Variants in HS6ST3 observed in about 807,000 individuals in gnomAD.
The protein encoded by HS6ST3 is heparan-sulfate 6-O-sulfotransferase 3.
A neutral mutation model predicts 36.7 loss-of-function variants in HS6ST3; 12 were observed. That is an observed-to-expected ratio of 0.33 (90% CI 0.21 to 0.53). The LOEUF is 0.53. Among genes scored for constraint, HS6ST3 ranks in the 20% least tolerant of loss-of-function variants. The pLI is 0.95. For synonymous variants in HS6ST3, 240 were observed against 257.5 expected, an observed-to-expected ratio of 0.93 and a Z score of 0.65; for missense variants, 584 against 640.9, an observed-to-expected ratio of 0.91 and a Z score of 0.96.
intron 1 of HS6ST3, among the ~76,000 whole-genome samples, chr13:96,514,722 A>G (rs1465151668): frequency 6.6e-6 from 1 of 152,220 alleles, no homozygotes. Context: ...TTTAGCTGCC[A>G]GTCTGTGGTA....
intron 1 of HS6ST3, among the ~76,000 whole-genome samples, chr13:96,323,648 C>T (rs989774749): frequency 1.3e-5 from 2 of 152,086 alleles, no homozygotes; most frequent in Non-Finnish European, 2.9e-5. Flanking sequence ...TTCCTGGAGC[C>T]CTGGCCCCCA....
intron 1 of HS6ST3, among the ~76,000 whole-genome samples, chr13:96,700,016 T>C (rs985694716): frequency 1.3e-5 from 2 of 152,178 alleles, no homozygotes; most frequent in Admixed American, 6.6e-5. Context: ...TTGGTGACAA[T>C]AGCTTTCCTG....
intron 1 of HS6ST3, among the ~76,000 whole-genome samples, chr13:96,707,166 G>A (rs1875449203): frequency 6.6e-6 from 1 of 152,036 alleles, no homozygotes; most frequent in Non-Finnish European, 1.5e-5. Context: ...TGGAGGTGAG[G>A]GTTTTTGGAG....
chr13:96,155,598 T>C (rs75230865), intron 1 of HS6ST3, among the ~76,000 whole-genome samples: 1 of 126,380 alleles, frequency 7.9e-6, no homozygotes, highest in Non-Finnish European at 1.7e-5. Flanking sequence ...GATTTTTTTT[T>C]AAAAAAGGCT....
At chr13:96,369,950 G>A (rs1207657736) in intron 1 of HS6ST3, among the ~76,000 whole-genome samples, 1 of 152,006 alleles carries the variant, frequency 6.6e-6, no homozygotes, top group Non-Finnish European at 1.5e-5. Flanking sequence ...ATATTGATGA[G>A]TTAGTGGATG....
At chr13:96,826,437 G>A (rs185548167) in intron 1 of HS6ST3, among the ~76,000 whole-genome samples, 3 of 152,220 alleles carry the variant, frequency 2.0e-5, no homozygotes, top group Non-Finnish European at 4.4e-5. Flanking sequence ...AATATCTGCT[G>A]TGAGTAGGCC....
In HS6ST3 at chr13:96,535,942, A is replaced by G. The variant is rs531572646; in HGVS notation, c.708-296548A>G. ...GCTGGAATAATTTAAAGTGTTACTA[A>G]TTGAGATAGCTCTACAGCGTGAGAG... On this transcript the variant is annotated intron_variant, in intron 1 of 1. Coordinates refer to ENST00000376705, the MANE Select transcript of HS6ST3 (RefSeq NM_153456.4). 4.6e-5 allele frequency among the ~76,000 whole-genome samples: 7 copies of G among 152,352 alleles called. No homozygotes were observed. The East Asian group carries it at 7.7e-4, about 17-fold the overall frequency.
chr13:96,360,270 C>G (rs977999202), intron 1 of HS6ST3, among the ~76,000 whole-genome samples: 4 of 151,250 alleles, frequency 2.6e-5, no homozygotes, highest in African/African-American at 9.7e-5. Context: ...GCATCTGGGC[C>G]AAAAGTATAG....
intron 1 of HS6ST3, among the ~76,000 whole-genome samples, chr13:96,564,197 C>G (rs150505443): frequency 2.6e-5 from 4 of 152,126 alleles, no homozygotes; most frequent in Non-Finnish European, 5.9e-5. Flanking sequence ...CTGGCTGATG[C>G]GTTTTGTAGA....
rs1178336782 is a variant in HS6ST3 at position 96,090,664 on chromosome 13, C to G, written c.-199C>G. ...CGAGCGCGCCGGCGCCCGCCTCCCC[C>G]GCCCGGCTCGCAGGCCCCGGCTCCT... On this transcript the variant is annotated 5_prime_UTR_variant, in exon 1 of 2. Coordinates refer to ENST00000376705, the MANE Select transcript of HS6ST3 (RefSeq NM_153456.4). Among the ~76,000 whole-genome samples, 5 of 147,048 alleles carry G rather than the reference C, an allele frequency of 3.4e-5. No homozygotes were observed. Among genetic ancestry groups the G allele is most frequent in the Non-Finnish European group, 7.6e-5 (5 of 66,204 alleles).
chr13:96,411,564 C>G (rs2055507475), intron 1 of HS6ST3, among the ~76,000 whole-genome samples: 1 of 152,006 alleles, frequency 6.6e-6, no homozygotes, highest in Non-Finnish European at 1.5e-5. Context: ...TGTGTTGAAC[C>G]AAGACTTCAT....
At chr13:96,199,936 G>A (rs1051284036) in intron 1 of HS6ST3, among the ~76,000 whole-genome samples, 15 of 152,060 alleles carry the variant, frequency 9.9e-5, no homozygotes, top group African/African-American at 3.6e-4. Flanking sequence ...ACCAGCCTTG[G>A]TAGCCGACTT....
chr13:96,327,103 T>C (rs1395879242), intron 1 of HS6ST3, among the ~76,000 whole-genome samples: 2 of 145,396 alleles, frequency 1.4e-5, no homozygotes, highest in African/African-American at 2.6e-5. Flanking sequence ...GAGTAGGTTG[T>C]GAAAATTTTC....
chr13:96,831,975 A>AAAAAAAAAAAAAAAAC (rs1566464310), intron 1 of HS6ST3, among the ~76,000 whole-genome samples: 1 of 148,538 alleles, frequency 6.7e-6, no homozygotes, highest in African/African-American at 2.5e-5. Context: ...AAAAAAAAAA[A>AAAAAAAAAAAAAAAAC]AAAAACAGAG....
intron 1 of HS6ST3, among the ~76,000 whole-genome samples, chr13:96,521,513 T>C (rs1325992415): frequency 6.6e-6 from 1 of 152,198 alleles, no homozygotes; most frequent in Non-Finnish European, 1.5e-5. Context: ...CTATTAATTA[T>C]TGCCTCAATT....
chr13:96,406,819 T>G (rs413516), intron 1 of HS6ST3, among the ~76,000 whole-genome samples: 73,209 of 151,956 alleles, frequency 0.48, 18,033 homozygotes, highest in Middle Eastern at 0.59. Context: ...AGATTTTGAT[T>G]TGACACAGTT....
At chr13:96,192,003 C>A (rs75269568) in intron 1 of HS6ST3, among the ~76,000 whole-genome samples, 3,879 of 152,162 alleles carry the variant, frequency 0.025, 61 homozygotes, top group South Asian at 0.055. Context: ...GCCACACAAC[C>A]CCAGAGTTTG....
At chr13:96,175,262 A>C (rs2054206757) in intron 1 of HS6ST3, among the ~76,000 whole-genome samples, 1 of 152,156 alleles carries the variant, frequency 6.6e-6, no homozygotes, top group Non-Finnish European at 1.5e-5. Flanking sequence ...GGAAATGCAG[A>C]GGCTTGAACT....
chr13:96,185,619 T>A (rs533064442), intron 1 of HS6ST3, among the ~76,000 whole-genome samples: 1 of 152,354 alleles, frequency 6.6e-6, no homozygotes, highest in Admixed American at 6.5e-5. Flanking sequence ...TATACCTATA[T>A]AAGTTTACTG....
Sources: allele counts gnomAD v4.1 joint callset (sites outside exome capture counted in the v4.1 genomes callset), GRCh38; gene constraint gnomAD v4.1.1; transcripts MANE v1.5; gene names NCBI Gene and HGNC (gene_info 2026-07-23, HGNC 2026-07-21).